METAP1: variants seen among roughly 807,000 people sequenced by gnomAD.
The protein encoded by METAP1 is methionyl aminopeptidase 1, also known as methionine aminopeptidase 1.
In METAP1, 28 loss-of-function variants were observed where a neutral mutation model predicts 53.8. The ratio of observed to expected loss-of-function variants is 0.52; its 90% CI spans 0.39 to 0.71. The LOEUF is 0.71. METAP1 is among the 30% of genes least tolerant of loss of function. The probability of loss-of-function intolerance (pLI) is 0.00; values close to 1 mark genes in which losing one functional copy is unlikely to be tolerated. For synonymous variants in METAP1, 181 were observed against 165.7 expected (o/e 1.09, Z -0.71); for missense variants, 389 against 479.8 (o/e 0.81, Z 1.77).
intron 1 of METAP1, chr4:99,026,103 T>C (rs62325186): frequency 0.032 from 11,998 of 378,602 alleles, 205 homozygotes; most frequent in Non-Finnish European, 0.037. Flanking sequence ...GGGCACATGT[T>C]GTCAGTACTC....
intron 5 of METAP1, 140 bp from the exon 6 acceptor site, chr4:99,040,896 CATATAAT>C (rs998428166): frequency 6.1e-5 from 17 of 279,276 alleles, no homozygotes; most frequent in African/African-American, 3.4e-4. Context: ...TATGTATTTA[CATATAAT>C]ATATTTATAT....
intron 4 of METAP1, 107 bp downstream of exon 4, chr4:99,035,567 A>G (rs1725367844): frequency 1.0e-5 from 8 of 785,530 alleles, no homozygotes; most frequent in Non-Finnish European, 1.2e-5. Context: ...CTGGACTTCT[A>G]ATAAATGTGT....
chr4:99,035,605 G>T (rs1056944347), intron 4 of METAP1, 145 bp downstream of exon 4: 8 of 599,906 alleles, frequency 1.3e-5, no homozygotes, highest in South Asian at 1.0e-4. Flanking sequence ...ACATTGAAGA[G>T]AATTAAAGAT....
intron 1 of METAP1, among the ~76,000 whole-genome samples, chr4:99,017,621 T>G (rs559576289): frequency 3.9e-5 from 6 of 152,368 alleles, no homozygotes; most frequent in African/African-American, 1.4e-4. Flanking sequence ...AAGTGAACTA[T>G]CAGTGGTTAT....
intron 1 of METAP1, chr4:99,026,226 G>A: frequency 1.0e-6 from 1 of 985,118 alleles, no homozygotes; most frequent in Non-Finnish European, 1.2e-6. Context: ...GTAAATTCCT[G>A]TTGGTGCTAA....
At chr4:99,053,574 G>A (rs548283964) in intron 9 of METAP1, among the ~76,000 whole-genome samples, 3 of 152,300 alleles carry the variant, frequency 2.0e-5, no homozygotes, top group East Asian at 1.9e-4. Context: ...TAATGGCATC[G>A]AGAATGGTGA....
chr4:99,013,691 T>C (rs892178503), intron 1 of METAP1, among the ~76,000 whole-genome samples: 20 of 152,078 alleles, frequency 1.3e-4, no homozygotes, highest in Non-Finnish European at 2.4e-4. Context: ...CTTTCCTAAA[T>C]AGGACGAAGG....
chr4:99,052,661 C>T (rs1474438764), intron 9 of METAP1, among the ~76,000 whole-genome samples: 3 of 152,204 alleles, frequency 2.0e-5, no homozygotes, highest in Non-Finnish European at 4.4e-5. Context: ...TCCTCCAACA[C>T]TGGGAATTAC....
chr4:99,034,300 A>C lies in METAP1; in HGVS notation c.237A>C (p.Ala79=). Residue 79 remains alanine, a synonymous_variant, in exon 3 of 11, where the codon GCA becomes GCC. Coordinates refer to ENST00000296411, the MANE Select transcript of METAP1 (RefSeq NM_015143.3). ...GTGATATTAATACTGACCCATGGGC[A>C]GGTTATCGATATACTGGTAAACTCA... ...VEGDINTDPW[A]GYRYTGKLRP... 1 of 1,549,886 alleles carries C rather than the reference A, an allele frequency of 6.5e-7. No homozygotes were observed. Among genetic ancestry groups the C allele is most frequent in the South Asian group, 1.2e-5 (1 of 84,032 alleles).
chr4:99,043,903 G>A (rs1195300464), intron 7 of METAP1, among the ~76,000 whole-genome samples: 1 of 152,034 alleles, frequency 6.6e-6, no homozygotes, highest in Non-Finnish European at 1.5e-5. Context: ...ATTAATGAAG[G>A]CTTTCCTAGA....
At position 99,034,216 on chromosome 4, in the gene METAP1, C is replaced by T. The variant is rs1354867192; in HGVS notation, c.167-14C>T. On this transcript the variant is annotated splice_polypyrimidine_tract_variant and intron_variant, in intron 2 of 10. Transcript: ENST00000296411. Reference sequence around the variant, plus strand: ...TCTCCTCCTTCCTCTCATATCTATTCCTCCGTCTCCCAGAAGATGAAAAGG... The same window carrying T: ...TCTCCTCCTTCCTCTCATATCTATTTCTCCGTCTCCCAGAAGATGAAAAGG... 2.7e-6 allele frequency: 4 copies of T among 1,467,404 alleles called. No homozygotes were observed. In the African/African-American group the frequency reaches 5.6e-5, roughly 21 times the overall value. 90.9% of individuals were successfully genotyped at this position (1,467,404 alleles called of 1,614,324 possible). A position where few individuals can be genotyped will look rare whatever the true frequency, so the allele number is the denominator to read the frequency against.
At chr4:99,023,118 T>C (rs1034559298) in intron 1 of METAP1, 5 of 969,446 alleles carry the variant, frequency 5.2e-6, no homozygotes, top group Non-Finnish European at 7.5e-6. Context: ...CTTCTCCGAT[T>C]CCTCTGCCTC....
At chr4:99,030,366 A>G (rs1483734799) in intron 2 of METAP1, among the ~76,000 whole-genome samples, 1 of 152,164 alleles carries the variant, frequency 6.6e-6, no homozygotes, top group Non-Finnish European at 1.5e-5. Context: ...TTATTACAAC[A>G]CTGGATTTAG....
At chr4:99,028,652 T>G (rs1251281580) in intron 1 of METAP1, among the ~76,000 whole-genome samples, 3 of 152,238 alleles carry the variant, frequency 2.0e-5, no homozygotes, top group Non-Finnish European at 2.9e-5. Flanking sequence ...TAGCCTAATA[T>G]TCCTTGCTTA....
chr4:98,998,601 C>T (rs528305126), intron 1 of METAP1, among the ~76,000 whole-genome samples: 1 of 152,260 alleles, frequency 6.6e-6, no homozygotes, highest in East Asian at 1.9e-4. Flanking sequence ...TCTGTGATCA[C>T]TAGGAGGTCT....
intron 1 of METAP1, among the ~76,000 whole-genome samples, chr4:99,012,494 C>T (rs777650362): frequency 8.6e-5 from 13 of 151,832 alleles, no homozygotes; most frequent in Admixed American, 6.6e-4. Flanking sequence ...AGGCTAGTCT[C>T]GAACTGCTGA....
At chr4:99,059,144 C>T (rs1351502664) in intron 10 of METAP1, among the ~76,000 whole-genome samples, 2 of 152,144 alleles carry the variant, frequency 1.3e-5, no homozygotes, top group Non-Finnish European at 1.5e-5. Context: ...TCTATACAGC[C>T]AGCACAGGTA....
intron 7 of METAP1, among the ~76,000 whole-genome samples, 158 bp from the exon 8 acceptor site, chr4:99,045,021 G>A (rs1177191081): frequency 6.6e-6 from 1 of 152,174 alleles, no homozygotes; most frequent in Admixed American, 6.5e-5. Context: ...ATCTCAGGGA[G>A]CTTCTGTTGG....
intron 1 of METAP1, among the ~76,000 whole-genome samples, chr4:99,018,956 T>C (rs1422283300): frequency 6.6e-6 from 1 of 152,178 alleles, no homozygotes; most frequent in Non-Finnish European, 1.5e-5. Context: ...CGGATGAATT[T>C]TCCTCTCATC....
Sources: allele counts gnomAD v4.1 joint callset (sites outside exome capture counted in the v4.1 genomes callset), GRCh38; gene constraint gnomAD v4.1.1; transcripts MANE v1.5; gene names NCBI Gene and HGNC (gene_info 2026-07-23, HGNC 2026-07-21).